The following DOCK8 variants were observed in gnomAD, a reference collection of about 807,000 sequenced individuals.
DOCK8 encodes the protein dedicator of cytokinesis 8.
DOCK8 carries 141 observed loss-of-function variants against 245.6 expected under a neutral mutation model. That is an observed-to-expected ratio of 0.57 (90% confidence interval 0.50 to 0.66). The LOEUF is 0.66. Ranked by LOEUF, DOCK8 falls within the 30% of genes least tolerant of loss-of-function variation. The pLI is 0.00. For synonymous variants in DOCK8, 1,168 were observed against 970.2 expected (o/e 1.20, Z -3.79); for missense variants, 2,965 against 2,603.4 (o/e 1.14, Z -3.02).
intron 4 of DOCK8, among the ~76,000 whole-genome samples, chr9:290,618 T>C (rs2048999725): frequency 6.6e-6 from 1 of 152,198 alleles, no homozygotes; most frequent in African/African-American, 2.4e-5. Context: ...GACAGCACTC[T>C]CTCATGAGAA....
At chr9:399,977 C>T (rs1462648923) in intron 26 of DOCK8, among the ~76,000 whole-genome samples, 2 of 150,848 alleles carry the variant, frequency 1.3e-5, no homozygotes, top group Non-Finnish European at 1.5e-5. Flanking sequence ...CCTTCTCCAC[C>T]ATCACCACCT....
At chr9:391,783 T>C (rs2054201357) in intron 24 of DOCK8, among the ~76,000 whole-genome samples, 1 of 151,756 alleles carries the variant, frequency 6.6e-6, no homozygotes, top group East Asian at 1.9e-4. Context: ...GTTAGCTTTA[T>C]ATTCATTGGG....
Position 449,894 on chromosome 9 carries a change from G to A in DOCK8, c.5928G>A (p.Val1976=). ...EPPDAKMLQM[V]LQGSVGATVN... is the part of the protein sequence containing the mutation. ...CTGATGCAAAGATGCTTCAGATGGT[G>A]CTGCAAGGCTCTGTGGGAGCTACTG... The change falls in exon 45 of 48, where the codon GTG becomes GTA. Residue 1976 remains valine, a synonymous_variant. Coordinates refer to ENST00000432829, the MANE Select transcript of DOCK8 (RefSeq NM_203447.4). The A allele has an allele frequency of 1.2e-6, 2 of 1,613,916 alleles. No individual in the cohort carries two copies. Among genetic ancestry groups the A allele is most frequent in the Non-Finnish European group, 8.5e-7 (1 of 1,180,030 alleles).
chr9:336,310 T>C (rs1478040303), intron 11 of DOCK8, among the ~76,000 whole-genome samples: 2 of 152,232 alleles, frequency 1.3e-5, no homozygotes, highest in South Asian at 2.1e-4. Flanking sequence ...TCTGGACTCT[T>C]GCCGGGTGGC....
intron 46 of DOCK8, among the ~76,000 whole-genome samples, chr9:462,598 A>G (rs979352015): frequency 2.6e-5 from 4 of 152,210 alleles, no homozygotes; most frequent in African/African-American, 9.6e-5. Flanking sequence ...ATAGACCTAT[A>G]CACAGTCCTA....
At chr9:265,251 A>G (rs1427202662) in intron 1 of DOCK8, among the ~76,000 whole-genome samples, 1 of 152,150 alleles carries the variant, frequency 6.6e-6, no homozygotes, top group East Asian at 1.9e-4. Context: ...ATTTTTAAAA[A>G]AATACTACCC....
At chr9:447,538 G>C (rs191162554) in intron 44 of DOCK8, among the ~76,000 whole-genome samples, 97 of 152,164 alleles carry the variant, frequency 6.4e-4, no homozygotes, top group Middle Eastern at 3.4e-3. Context: ...CAGCAGTCTT[G>C]TGCACACCTA....
chr9:337,481 G>A (rs796628086), intron 12 of DOCK8, among the ~76,000 whole-genome samples: 8 of 152,172 alleles, frequency 5.3e-5, no homozygotes, highest in African/African-American at 1.9e-4. Flanking sequence ...CAACAGTCTG[G>A]CTGGGCCATC....
At chr9:354,165 T>A (rs2052312459) in intron 14 of DOCK8, among the ~76,000 whole-genome samples, 1 of 152,100 alleles carries the variant, frequency 6.6e-6, no homozygotes, top group Non-Finnish European at 1.5e-5. Flanking sequence ...AACCCTGTCT[T>A]TACTAAAAAT....
chr9:394,104 G>GT (rs2054329495), intron 24 of DOCK8, among the ~76,000 whole-genome samples: 1 of 152,154 alleles, frequency 6.6e-6, no homozygotes, highest in African/African-American at 2.4e-5. Context: ...GTGGAAGTGA[G>GT]TAACTACCTG....
At chr9:275,494 G>C (rs1440996128) in intron 2 of DOCK8, among the ~76,000 whole-genome samples, 4 of 152,132 alleles carry the variant, frequency 2.6e-5, no homozygotes, top group Non-Finnish European at 5.9e-5. Flanking sequence ...CCTGGGGGTG[G>C]GGACCAAGCA....
chr9:332,733 C>T (rs747657418), intron 10 of DOCK8, among the ~76,000 whole-genome samples: 1 of 143,572 alleles, frequency 7.0e-6, no homozygotes, highest in Non-Finnish European at 1.5e-5. Flanking sequence ...TCACGGCCCC[C>T]TACAACCTTG....
At chr9:257,396 A>C (rs557263175) in intron 1 of DOCK8, among the ~76,000 whole-genome samples, 2 of 152,204 alleles carry the variant, frequency 1.3e-5, no homozygotes, top group Non-Finnish European at 2.9e-5. Context: ...GTGAAAGGGC[A>C]AGAGAAGGCT....
intron 1 of DOCK8, 124 bp downstream of exon 1, chr9:215,153 G>T: frequency 2.0e-6 from 3 of 1,490,398 alleles, no homozygotes; most frequent in Non-Finnish European, 2.7e-6. Flanking sequence ...GCGCGCCTGA[G>T]ACCTGGGGCG....
rs763480140 is a variant in DOCK8 at position 463,530 on chromosome 9, G to A, written c.6082G>A (p.Val2028Ile). 3 of 1,614,100 alleles carry A rather than the reference G, an allele frequency of 1.9e-6. No homozygotes were observed. The highest frequency in any genetic ancestry group is 1.1e-5 in the South Asian group (1 of 91,092). The change falls in exon 47 of 48, where the codon GTA becomes ATA. Residue 2028 changes from valine (V) to isoleucine (I), a missense_variant. Val to Ile is a conservative substitution (Grantham distance 29). Transcript: ENST00000432829. ...KEFIMRCGEAVEKNKRLITAD... is the reference protein window; with the variant it reads ...KEFIMRCGEAIEKNKRLITAD... Reference sequence around the variant, plus strand: ...TTTTCATCTCAGATGTGGTGAAGCTGTAGAGAAAAACAAGCGTCTCATCAC... The same window carrying A: ...TTTTCATCTCAGATGTGGTGAAGCTATAGAGAAAAACAAGCGTCTCATCAC...
chr9:446,806 A>G (rs2057277775), intron 44 of DOCK8, among the ~76,000 whole-genome samples, 200 bp downstream of exon 44: 2 of 152,104 alleles, frequency 1.3e-5, no homozygotes, highest in South Asian at 4.1e-4. Flanking sequence ...GCACTATTGT[A>G]TATTAAATAT....
chr9:325,050 C>T (rs2050696449), intron 7 of DOCK8, among the ~76,000 whole-genome samples: 1 of 152,236 alleles, frequency 6.6e-6, no homozygotes, highest in Non-Finnish European at 1.5e-5. Context: ...GCTTAGCTCC[C>T]ACTAACATAC....
intron 14 of DOCK8, chr9:366,650 C>T (rs1318659906): frequency 6.6e-6 from 1 of 152,136 alleles, no homozygotes; most frequent in Admixed American, 6.5e-5. Context: ...GTTCTGAGGT[C>T]AAAACATTTG....
Position 443,429 on chromosome 9 carries a change from ATTTT to A in DOCK8, c.5494_5497del (p.Phe1832MetfsTer12). On this transcript the variant is annotated frameshift_variant, in exon 43 of 48. Coordinates refer to ENST00000432829, the MANE Select transcript of DOCK8 (RefSeq NM_203447.4). LOFTEE classifies it high-confidence loss of function. ...AACTGTTGGTTCTTCTTACCTAGGC[ATTTT>A]ATGGTCAATGTTTTGGTGCAGAATT... 1 of 1,614,022 alleles carries A rather than the reference ATTTT, an allele frequency of 6.2e-7. No homozygotes were observed. Among genetic ancestry groups the A allele is most frequent in the Non-Finnish European group, 8.5e-7 (1 of 1,179,938 alleles).
Sources: gnomAD v4.1 joint callset for allele counts (sites outside exome capture counted in the v4.1 genomes callset) on GRCh38, gnomAD v4.1.1 for gene constraint, MANE v1.5 for transcripts, NCBI Gene and HGNC (gene_info 2026-07-23, HGNC 2026-07-21) for gene names.